Variants in ASTN2 observed in about 807,000 individuals in gnomAD.
ASTN2 encodes astrotactin-2.
A neutral mutation model predicts 139.8 loss-of-function variants in ASTN2; 54 were observed. The observed-to-expected ratio is 0.39, with a 90% CI of 0.31 to 0.48. ASTN2 has a LOEUF of 0.48. ASTN2 is among the 20% of genes least tolerant of loss of function. The pLI is 0.95. For missense variants in ASTN2, 1,565 were observed against 1,725.1 expected (o/e 0.91, Z 1.64); for synonymous variants, 756 against 719.5 (o/e 1.05, Z -0.81).
At chr9:116,976,955 CT>C (rs1391990467) in intron 7 of ASTN2, among the ~76,000 whole-genome samples, 170 bp from the exon 8 acceptor site, 1 of 152,116 alleles carries the variant, frequency 6.6e-6, no homozygotes, top group African/African-American at 2.4e-5. Context: ...GAGTTTATTC[CT>C]TTGTTCATTC....
At chr9:116,917,549 G>C (rs1480979138) in intron 10 of ASTN2, among the ~76,000 whole-genome samples, 2 of 152,202 alleles carry the variant, frequency 1.3e-5, no homozygotes, top group Non-Finnish European at 2.9e-5. Context: ...AAGAGGAATA[G>C]CTTTTTCCTC....
Position 116,423,352 on chromosome 9 carries a change from C to A in ASTN2, c.*2499G>T, listed in dbSNP as rs1483458642. On this transcript the variant is annotated 3_prime_UTR_variant, in exon 23 of 23. Transcript: ENST00000313400. ...TTGACTCCACTTTGTTGATGAGAAA[C>A]CTGATGTCAAGTTACTCCCTTAAGG... 1.3e-5 allele frequency among the ~76,000 whole-genome samples: 2 copies of A among 152,180 alleles called. No individual in the cohort carries two copies. Among genetic ancestry groups the A allele is most frequent in the African/African-American group, 4.8e-5 (2 of 41,440 alleles).
At chr9:116,454,801 G>A (rs541876076) in intron 20 of ASTN2, among the ~76,000 whole-genome samples, 12 of 152,088 alleles carry the variant, frequency 7.9e-5, no homozygotes, top group Non-Finnish European at 1.6e-4. Context: ...AGAAAACCAA[G>A]CATCGCATGT....
intron 13 of ASTN2, among the ~76,000 whole-genome samples, chr9:116,741,101 C>T (rs1829087023): frequency 6.6e-6 from 1 of 152,116 alleles, no homozygotes. Context: ...GGAAGCTGGA[C>T]TCCTCTGCCA....
intron 13 of ASTN2, among the ~76,000 whole-genome samples, chr9:116,793,288 G>A (rs1223733144): frequency 6.6e-6 from 1 of 152,176 alleles, no homozygotes; most frequent in African/African-American, 2.4e-5. Flanking sequence ...CAACCTAGAT[G>A]TGCATGAATA....
At chr9:116,815,338 A>G (rs1831280723) in intron 12 of ASTN2, among the ~76,000 whole-genome samples, 1 of 152,118 alleles carries the variant, frequency 6.6e-6, no homozygotes, top group Admixed American at 6.5e-5. Context: ...TTGAGGCTGG[A>G]TGTGTTATTT....
intron 13 of ASTN2, among the ~76,000 whole-genome samples, chr9:116,757,539 T>C (rs934974627): frequency 3.9e-5 from 6 of 151,970 alleles, no homozygotes; most frequent in Non-Finnish European, 8.8e-5. Flanking sequence ...GCAGACATAT[T>C]AGTAAAGAAT....
In ASTN2 at chr9:116,805,656, C is replaced by T. The variant is rs79404103; in HGVS notation, c.2372G>A (p.Gly791Asp). The T allele has an allele frequency of 1.3e-3, 2,052 of 1,613,828 alleles. 1 individual carries two copies. The highest frequency in any genetic ancestry group is 1.6e-3 in the Non-Finnish European group (1,905 of 1,179,780). ...CCTAAAGGTCATCTGGAAGACTTGG[C>T]CTTGGTTCACATGCTGGGTCCGGTT... ...YNNRTQHVNQGQVFQMTFREN... is the reference protein window; with the variant it reads ...YNNRTQHVNQDQVFQMTFREN... The change falls in exon 13 of 23, where the codon GGC (glycine) becomes GAC (aspartate). Residue 791 changes from glycine (G) to aspartate (D), a missense_variant. By Grantham distance (94) the Gly-to-Asp change is moderately conservative. Around this residue, in one of 4 missense-constraint regions of ASTN2, gnomAD observed 503 missense variants for 591.7 expected, o/e 0.85. Transcript: ENST00000313400.
At chr9:116,713,213 T>A (rs938248910) in intron 16 of ASTN2, among the ~76,000 whole-genome samples, 1 of 152,222 alleles carries the variant, frequency 6.6e-6, no homozygotes, top group African/African-American at 2.4e-5. Context: ...TAAACTTCAA[T>A]GATTCTGGTG....
At chr9:116,532,064 G>A (rs1219891604) in intron 19 of ASTN2, among the ~76,000 whole-genome samples, 10 of 152,166 alleles carry the variant, frequency 6.6e-5, no homozygotes, top group Non-Finnish European at 1.5e-4. Context: ...CATTCTAACT[G>A]GTGTGAGATG....
intron 10 of ASTN2, among the ~76,000 whole-genome samples, chr9:116,962,273 C>A (rs1380151955): frequency 1.3e-5 from 2 of 152,190 alleles, no homozygotes; most frequent in African/African-American, 2.4e-5. Flanking sequence ...CAGTGAGGAC[C>A]CTATGTCTTC....
At chr9:117,011,074 A>G (rs1837517795) in intron 6 of ASTN2, among the ~76,000 whole-genome samples, 1 of 152,206 alleles carries the variant, frequency 6.6e-6, no homozygotes, top group Non-Finnish European at 1.5e-5. Context: ...GATGTCCACT[A>G]CAAGCTCTGT....
chr9:117,135,069 A>G (rs1004669552), intron 4 of ASTN2, among the ~76,000 whole-genome samples: 4 of 152,236 alleles, frequency 2.6e-5, no homozygotes, highest in Admixed American at 2.6e-4. Flanking sequence ...CTGATGACAC[A>G]GAAACACTGC....
chr9:117,154,568 G>C (rs1830392811), intron 3 of ASTN2, among the ~76,000 whole-genome samples: 1 of 152,016 alleles, frequency 6.6e-6, no homozygotes, highest in Admixed American at 6.6e-5. Context: ...GGTAAGCTAG[G>C]TCATTATAAA....
chr9:116,873,280 C>T (rs1833211748), intron 10 of ASTN2, among the ~76,000 whole-genome samples: 1 of 152,168 alleles, frequency 6.6e-6, no homozygotes, highest in South Asian at 2.1e-4. Context: ...ATGGTGACTG[C>T]TTTATAAGGA....
intron 16 of ASTN2, among the ~76,000 whole-genome samples, chr9:116,676,274 T>TC (rs1311867318): frequency 6.6e-6 from 1 of 152,188 alleles, no homozygotes; most frequent in Non-Finnish European, 1.5e-5. Context: ...ACTATTTGTC[T>TC]CCCCTGCAAG....
intron 10 of ASTN2, among the ~76,000 whole-genome samples, chr9:116,864,273 CCA>C: frequency 6.6e-6 from 1 of 152,202 alleles, no homozygotes; most frequent in Middle Eastern, 3.4e-3. Context: ...ACTCCAAATC[CCA>C]CAGTCTATAA....
At chr9:116,561,031 A>C (rs1380036175) in intron 19 of ASTN2, among the ~76,000 whole-genome samples, 1 of 152,202 alleles carries the variant, frequency 6.6e-6, no homozygotes, top group East Asian at 1.9e-4. Flanking sequence ...TTAGTTTGTA[A>C]AGATGAAGCT....
At chr9:116,448,688 CT>C (rs1848081504) in intron 20 of ASTN2, among the ~76,000 whole-genome samples, 2 of 152,304 alleles carry the variant, frequency 1.3e-5, no homozygotes, top group South Asian at 4.1e-4. Flanking sequence ...GTTTCCTTAT[CT>C]GTAAAATGGG....
Sources: gnomAD v4.1 joint callset for allele counts (sites outside exome capture counted in the v4.1 genomes callset) on GRCh38, gnomAD v4.1.1 for gene constraint, gnomAD v4.1.1 regional missense constraint, MANE v1.5 for transcripts, NCBI Gene and HGNC (gene_info 2026-07-23, HGNC 2026-07-21) for gene names.